The following PRELID2 variants were observed in gnomAD, a reference collection of about 807,000 sequenced individuals.
The protein encoded by PRELID2 is PRELI domain containing 2, also known as PRELI domain-containing protein 2.
PRELID2 carries 25 observed loss-of-function variants against 28.4 expected under a neutral mutation model. The ratio of observed to expected loss-of-function variants is 0.88; its 90% CI spans 0.64 to 1.23. The LOEUF (loss-of-function observed/expected upper bound fraction) is 1.23, where lower values mean the gene tolerates loss of function less well. Among genes scored for constraint, PRELID2 ranks in the 50% most tolerant of loss-of-function variants. The pLI is 0.00. For missense variants in PRELID2, 201 were observed against 214.4 expected (o/e 0.94, Z 0.39); for synonymous variants, 76 against 71.6 (o/e 1.06, Z -0.31).
intron 1 of PRELID2, among the ~76,000 whole-genome samples, chr5:145,533,993 T>A (rs901115671): frequency 3.3e-5 from 5 of 152,004 alleles, no homozygotes; most frequent in African/African-American, 9.7e-5. Flanking sequence ...TTGAAATTGG[T>A]GGATTATATG....
chr5:145,813,167 A>G (rs892950406), intron 4 of PRELID2, among the ~76,000 whole-genome samples: 1 of 152,162 alleles, frequency 6.6e-6, no homozygotes, highest in Non-Finnish European at 1.5e-5. Context: ...CTAATTTTAC[A>G]CTTAGTAGCC....
At chr5:145,415,272 CT>C in the PRELID2 span, among the ~76,000 whole-genome samples, 22 of 151,628 alleles carry the variant, frequency 1.5e-4, no homozygotes, top group African/African-American at 3.6e-4. Context: ...ATTTTATTTT[CT>C]TTTTTTCTTT....
the PRELID2 span, among the ~76,000 whole-genome samples, chr5:145,403,455 C>A: frequency 1.3e-5 from 2 of 152,164 alleles, no homozygotes. Flanking sequence ...TTCCCCCATG[C>A]ACAGTAGCCA....
the PRELID2 span, among the ~76,000 whole-genome samples, chr5:145,366,914 G>C: frequency 6.6e-6 from 1 of 151,852 alleles, no homozygotes; most frequent in Non-Finnish European, 1.5e-5. Flanking sequence ...TATCATATTG[G>C]AGTAGGAATA....
At chr5:145,398,480 T>C in the PRELID2 span, among the ~76,000 whole-genome samples, 1 of 152,116 alleles carries the variant, frequency 6.6e-6, no homozygotes, top group Non-Finnish European at 1.5e-5. Flanking sequence ...CCTTCTATGA[T>C]CACATCCCTA....
At chr5:145,531,872 C>A (rs1388798942) in intron 1 of PRELID2, among the ~76,000 whole-genome samples, 2 of 152,088 alleles carry the variant, frequency 1.3e-5, no homozygotes, top group Admixed American at 6.6e-5. Context: ...CACAAAGAAC[C>A]TTGATTCAAA....
At chr5:145,682,700 G>A (rs1754960824) in intron 1 of PRELID2, among the ~76,000 whole-genome samples, 1 of 152,126 alleles carries the variant, frequency 6.6e-6, no homozygotes, top group South Asian at 2.1e-4. Flanking sequence ...TTCACCATGT[G>A]GGAAGGTTAG....
chr5:145,515,537 A>G (rs1752507976), intron 1 of PRELID2, among the ~76,000 whole-genome samples: 1 of 152,232 alleles, frequency 6.6e-6, no homozygotes, highest in African/African-American at 2.4e-5. Context: ...GACCAGACAC[A>G]TTCACAGATG....
chr5:145,312,659 C>G, the PRELID2 span, among the ~76,000 whole-genome samples: 1 of 152,124 alleles, frequency 6.6e-6, no homozygotes, highest in Non-Finnish European at 1.5e-5. Flanking sequence ...GCCCTCCAGG[C>G]TCATCTATGT....
intron 1 of PRELID2, among the ~76,000 whole-genome samples, chr5:145,685,120 A>C (rs1755010751): frequency 6.6e-6 from 1 of 152,290 alleles, no homozygotes; most frequent in Non-Finnish European, 1.5e-5. Context: ...TGAGAGAATC[A>C]GTTAGTCTCT....
downstream of PRELID2, among the ~76,000 whole-genome samples, chr5:145,469,809 T>C (rs960224004): frequency 3.9e-5 from 6 of 152,152 alleles, no homozygotes; most frequent in Non-Finnish European, 8.8e-5. Flanking sequence ...GAATTAGAAC[T>C]GACAGCTTAA....
At chr5:145,798,604 CA>C (rs1752918683) in intron 4 of PRELID2, among the ~76,000 whole-genome samples, 4 of 152,278 alleles carry the variant, frequency 2.6e-5, no homozygotes, top group Admixed American at 2.6e-4. Context: ...TTCACAATAG[CA>C]AAGACCTGGA....
the PRELID2 span, among the ~76,000 whole-genome samples, chr5:145,400,943 C>G: frequency 4.2e-4 from 64 of 152,160 alleles, 1 homozygote; most frequent in East Asian, 9.1e-3. Context: ...AAGGCAGCAG[C>G]AAAGGATGCC....
chr5:145,383,825 T>C, the PRELID2 span, among the ~76,000 whole-genome samples: 1 of 152,000 alleles, frequency 6.6e-6, no homozygotes, highest in Non-Finnish European at 1.5e-5. Context: ...GGCACACACA[T>C]GCACATACAC....
chr5:145,376,227 C>T, the PRELID2 span, among the ~76,000 whole-genome samples: 1 of 152,168 alleles, frequency 6.6e-6, no homozygotes, highest in East Asian at 1.9e-4. Flanking sequence ...ACTATCCTTG[C>T]ATTCCAGGGA....
chr5:145,435,400 T>C, the PRELID2 span, among the ~76,000 whole-genome samples: 1 of 152,012 alleles, frequency 6.6e-6, no homozygotes, highest in Non-Finnish European at 1.5e-5. Context: ...AGAGCAAGTT[T>C]GATGTCTTGA....
the PRELID2 span, among the ~76,000 whole-genome samples, chr5:145,321,921 T>C: frequency 1.3e-5 from 2 of 152,230 alleles, no homozygotes; most frequent in Non-Finnish European, 2.9e-5. Context: ...CACCATAATG[T>C]GGCGCTGGAG....
At chr5:145,401,461 T>C in the PRELID2 span, among the ~76,000 whole-genome samples, 1 of 152,116 alleles carries the variant, frequency 6.6e-6, no homozygotes, top group African/African-American at 2.4e-5. Flanking sequence ...ACTCCTACCA[T>C]GTGTCAAGAC....
intron 1 of PRELID2, among the ~76,000 whole-genome samples, chr5:145,689,795 G>A (rs951334244): frequency 3.3e-5 from 5 of 152,140 alleles, no homozygotes; most frequent in African/African-American, 1.2e-4. Flanking sequence ...GAAGGGCACA[G>A]CCCAATCGGG....
Sources: allele counts gnomAD v4.1 joint callset (sites outside exome capture counted in the v4.1 genomes callset), GRCh38; gene constraint gnomAD v4.1.1; transcripts MANE v1.5; gene names NCBI Gene and HGNC (gene_info 2026-07-23, HGNC 2026-07-21).